CNTNAP2: variants seen among roughly 807,000 people sequenced by gnomAD.
CNTNAP2 encodes the protein contactin associated protein 2, also known as contactin-associated protein-like 2.
Under a neutral mutation model 155.2 loss-of-function variants are expected in CNTNAP2, and 98 were observed. The observed-to-expected ratio is 0.63, with a 90% CI of 0.54 to 0.75. CNTNAP2 has a LOEUF of 0.75. Ranked by LOEUF, CNTNAP2 falls within the 30% of genes least tolerant of loss-of-function variation. The pLI is 0.00. For missense variants in CNTNAP2, 1,727 were observed against 1,688.1 expected (o/e 1.02, Z -0.40); for synonymous variants, 651 against 631.2 (o/e 1.03, Z -0.47).
intron 4 of CNTNAP2, among the ~76,000 whole-genome samples, chr7:147,048,067 A>ATTTTTTTT (rs11352009): frequency 2.2e-5 from 2 of 90,376 alleles, no homozygotes; most frequent in Non-Finnish European, 3.9e-5. Context: ...CGGAGAGACA[A>ATTTTTTTT]TTTTTTTTTT....
chr7:148,286,730 A>G (rs1210302807), intron 21 of CNTNAP2, among the ~76,000 whole-genome samples: 1 of 152,238 alleles, frequency 6.6e-6, no homozygotes, highest in Non-Finnish European at 1.5e-5. Flanking sequence ...CAAATAAAAC[A>G]CTATCGTGTG....
intron 3 of CNTNAP2, among the ~76,000 whole-genome samples, chr7:146,926,935 C>G (rs544336090): frequency 6.6e-6 from 1 of 152,090 alleles, no homozygotes; most frequent in African/African-American, 2.4e-5. Flanking sequence ...CAAATAACTT[C>G]GATTCAGCCT....
chr7:146,676,027 T>C (rs1800392587), intron 1 of CNTNAP2, among the ~76,000 whole-genome samples: 1 of 152,200 alleles, frequency 6.6e-6, no homozygotes, highest in Non-Finnish European at 1.5e-5. Context: ...TGGATTCTTT[T>C]GGATATAAAT....
intron 13 of CNTNAP2, among the ~76,000 whole-genome samples, chr7:147,778,348 C>T (rs750308657): frequency 2.0e-5 from 3 of 152,174 alleles, no homozygotes; most frequent in Non-Finnish European, 4.4e-5. Context: ...ACTTTCTTGT[C>T]ATCATGCTAT....
At chr7:147,336,746 C>A (rs2116851934) in intron 9 of CNTNAP2, among the ~76,000 whole-genome samples, 1 of 152,188 alleles carries the variant, frequency 6.6e-6, no homozygotes, top group South Asian at 2.1e-4. Flanking sequence ...AGTCTCTGCT[C>A]CCTCAATGCT....
intron 13 of CNTNAP2, among the ~76,000 whole-genome samples, chr7:147,894,439 A>T (rs535858107): frequency 1.3e-5 from 2 of 152,290 alleles, no homozygotes; most frequent in South Asian, 4.1e-4. Flanking sequence ...AGAGCCTGGG[A>T]AGGACTGCCA....
intron 21 of CNTNAP2, among the ~76,000 whole-genome samples, chr7:148,331,694 T>TGGAGTGGATGGAC: frequency 6.6e-6 from 1 of 152,152 alleles, no homozygotes; most frequent in Non-Finnish European, 1.5e-5. Context: ...AATGGACGGA[T>TGGAGTGGATGGAC]GGAGTGGATG....
At chr7:147,379,772 G>A (rs4142824) in intron 9 of CNTNAP2, among the ~76,000 whole-genome samples, 25,686 of 151,842 alleles carry the variant, frequency 0.17, 2,459 homozygotes, top group East Asian at 0.35. Context: ...GGGCGTGAGG[G>A]AGTTCCTATT....
intron 1 of CNTNAP2, among the ~76,000 whole-genome samples, chr7:146,447,473 T>C (rs914960335): frequency 6.6e-6 from 1 of 152,068 alleles, no homozygotes; most frequent in African/African-American, 2.4e-5. Flanking sequence ...CAATTTACAA[T>C]TTTCAAATTG....
chr7:147,919,422 A>ATAC (rs1800219753), intron 14 of CNTNAP2, among the ~76,000 whole-genome samples: 1 of 146,338 alleles, frequency 6.8e-6, no homozygotes, highest in Non-Finnish European at 1.5e-5. Flanking sequence ...TGCCAGGACT[A>ATAC]TACGCATGTG....
intron 17 of CNTNAP2, among the ~76,000 whole-genome samples, chr7:148,157,586 A>AAAAAAAAAAAG (rs1554398712): frequency 1.3e-4 from 20 of 150,978 alleles, no homozygotes; most frequent in African/African-American, 4.4e-4. Flanking sequence ...AAAAAAAAAA[A>AAAAAAAAAAAG]GTCACAGAGA....
At chr7:147,772,022 G>A (rs1400243757) in intron 13 of CNTNAP2, among the ~76,000 whole-genome samples, 1 of 152,014 alleles carries the variant, frequency 6.6e-6, no homozygotes, top group Non-Finnish European at 1.5e-5. Context: ...AAAAATTTCA[G>A]TGAGAGACTT....
chr7:147,578,916 T>G (rs1006555603), intron 12 of CNTNAP2, among the ~76,000 whole-genome samples: 2 of 152,126 alleles, frequency 1.3e-5, no homozygotes, highest in African/African-American at 4.8e-5. Flanking sequence ...AAAATCAATG[T>G]TTCTTAGTTT....
At chr7:147,688,318 A>C (rs1012126720) in intron 13 of CNTNAP2, among the ~76,000 whole-genome samples, 3 of 147,632 alleles carry the variant, frequency 2.0e-5, no homozygotes, top group African/African-American at 7.3e-5. Flanking sequence ...AGCTAAAAAT[A>C]GCAAAAATAG....
chr7:147,646,346 A>G (rs540831180), intron 13 of CNTNAP2, among the ~76,000 whole-genome samples: 6 of 152,176 alleles, frequency 3.9e-5, no homozygotes, highest in Non-Finnish European at 5.9e-5. Flanking sequence ...GGCACTAGGA[A>G]TACAGGTTTT....
At chr7:148,384,030 C>T (rs529047587) in intron 22 of CNTNAP2, 142 bp downstream of exon 22, 13 of 1,213,712 alleles carry the variant, frequency 1.1e-5, no homozygotes, top group Admixed American at 4.1e-5. Flanking sequence ...GTTGTGAGTA[C>T]GGAGTTCTCA....
In CNTNAP2 at chr7:146,131,718, C is replaced by A. The variant is rs115252296; in HGVS notation, c.97+14745C>A. 8.5e-3 allele frequency among the ~76,000 whole-genome samples: 1,290 copies of A among 152,206 alleles called. 21 individuals are homozygous for A. The highest frequency in any genetic ancestry group is 0.03 in the African/African-American group (1,227 of 41,532). ...TAATTTGACATAAAATAAACAATAACCAGCAAGTACTAGATGATTATGCAT... is the reference window on the plus strand; with the variant it reads ...TAATTTGACATAAAATAAACAATAAACAGCAAGTACTAGATGATTATGCAT... On this transcript the variant is annotated intron_variant, in intron 1 of 23. Transcript: ENST00000361727.
At chr7:146,940,200 T>A (rs186224372) in intron 3 of CNTNAP2, among the ~76,000 whole-genome samples, 1 of 152,140 alleles carries the variant, frequency 6.6e-6, no homozygotes, top group Admixed American at 6.5e-5. Flanking sequence ...TTTTTTTATT[T>A]TTATTATTTA....
intron 1 of CNTNAP2, among the ~76,000 whole-genome samples, chr7:146,555,903 T>G (rs1477909925): frequency 6.6e-6 from 1 of 152,134 alleles, no homozygotes; most frequent in South Asian, 2.1e-4. Context: ...CTAACAGAAG[T>G]GTTACAAAGA....
Sources: gnomAD v4.1 joint callset for allele counts (sites outside exome capture counted in the v4.1 genomes callset) on GRCh38, gnomAD v4.1.1 for gene constraint, MANE v1.5 for transcripts, NCBI Gene and HGNC (gene_info 2026-07-23, HGNC 2026-07-21) for gene names.